Variants in FOXO1 observed in about 807,000 individuals in gnomAD.
FOXO1 encodes forkhead box protein O1.
A neutral mutation model predicts 44.1 loss-of-function variants in FOXO1; 6 were observed. The observed-to-expected ratio is 0.14, with a 90% confidence interval of 0.07 to 0.27. FOXO1 has a LOEUF of 0.27. Among genes scored for constraint, FOXO1 ranks in the 10% least tolerant of loss-of-function variants. The pLI is 1.00. For missense variants in FOXO1, 737 were observed against 888.8 expected, an observed-to-expected ratio of 0.83 and a Z score of 2.17; for synonymous variants, 380 against 362.7, an observed-to-expected ratio of 1.05 and a Z score of -0.54.
Position 40,666,178 on chromosome 13 carries a change from G to C in FOXO1, c.35C>G (p.Pro12Arg). The change falls in exon 1 of 3, where the codon CCG becomes CGG. Residue 12 changes from proline to arginine, a missense_variant. Around this residue, in one of 7 missense-constraint regions of FOXO1, gnomAD observed 213 missense variants for 236.4 expected, o/e 0.90. Transcript: ENST00000379561. ...CGGCCGGGGCAGCGGCTCGAAGTCC[G>C]GGTCGATCTCCACCACCTGAGGCGC... ...AEAPQVVEID[P>R]DFEPLPRPRS... The C allele has an allele frequency of 6.9e-7, 1 of 1,457,012 alleles. No individual in the cohort carries two copies. Among genetic ancestry groups the C allele is most frequent in the Non-Finnish European group, 9.0e-7 (1 of 1,107,352 alleles). 90.3% of individuals were successfully genotyped at this position (1,457,012 alleles called of 1,614,324 possible). A position where few individuals can be genotyped will look rare whatever the true frequency, so the allele number is the denominator to read the frequency against.
intron 1 of FOXO1, among the ~76,000 whole-genome samples, chr13:40,591,371 G>C (rs892789839): frequency 6.6e-6 from 1 of 152,140 alleles, no homozygotes; most frequent in Non-Finnish European, 1.5e-5. Flanking sequence ...GAAGAGGCAA[G>C]GCTCACAAAG....
At chr13:40,599,424 T>G (rs1331155685) in intron 1 of FOXO1, among the ~76,000 whole-genome samples, 3 of 152,230 alleles carry the variant, frequency 2.0e-5, no homozygotes, top group African/African-American at 7.2e-5. Flanking sequence ...GGCACTGTTT[T>G]ACTGAGGTCT....
Position 40,641,418 on chromosome 13 carries a change from T to A in FOXO1, c.630+24165A>T, listed in dbSNP as rs527628175. ...ATCTCATTATATCTCATTATATATATCATATATATATATATCATTATATAT... is the reference window on the plus strand; with the variant it reads ...ATCTCATTATATCTCATTATATATAACATATATATATATATCATTATATAT... On this transcript the variant is annotated intron_variant, in intron 1 of 2. Coordinates refer to ENST00000379561, the MANE Select transcript of FOXO1 (RefSeq NM_002015.4). 8.6e-5 allele frequency among the ~76,000 whole-genome samples: 13 copies of A among 151,000 alleles called. No homozygotes were observed. In the South Asian group the frequency reaches 2.7e-3, roughly 31 times the overall value.
intron 1 of FOXO1, among the ~76,000 whole-genome samples, chr13:40,573,263 TGGGCACATCTGTGTCAGAGGTGCCCACC>T (rs1874615158): frequency 1.3e-5 from 2 of 152,206 alleles, no homozygotes; most frequent in African/African-American, 2.4e-5. Flanking sequence ...CCACCAGATG[TGGGCACATCTGTGTCAGAGGTGCCCACC>T]AGGACTTTCA....
chr13:40,624,317 TAAAAAAAA>T lies in FOXO1; in HGVS notation c.630+41258_630+41265del, dbSNP rs10552634. Among the ~76,000 whole-genome samples the T allele has an allele frequency of 1.2e-3, 120 of 100,994 alleles. No homozygotes were observed. In the South Asian group the frequency reaches 0.026, roughly 22 times the overall value. The allele number at this position is 100,994 out of a possible 152,430, so 66.3% of individuals were successfully genotyped here. A position where few individuals can be genotyped will look rare whatever the true frequency, so the allele number is the denominator to read the frequency against. On this transcript the variant is annotated intron_variant, in intron 1 of 2. Coordinates refer to ENST00000379561, the MANE Select transcript of FOXO1 (RefSeq NM_002015.4). ...AAAGCTCTTAAAAACTAATACTGCT[TAAAAAAAA>T]AAAAAAAAAAAAAAGATCACTCAGG...
intron 1 of FOXO1, chr13:40,621,365 AC>A: frequency 2.4e-6 from 1 of 417,684 alleles, no homozygotes; most frequent in Non-Finnish European, 4.0e-6. Flanking sequence ...GATGGGATCT[AC>A]TCAAATATTG....
chr13:40,643,995 T>C (rs1034833361), intron 1 of FOXO1, among the ~76,000 whole-genome samples: 3 of 152,208 alleles, frequency 2.0e-5, no homozygotes, highest in African/African-American at 7.2e-5. Context: ...AAACTCCTAA[T>C]ATTTACTGCA....
intron 1 of FOXO1, among the ~76,000 whole-genome samples, chr13:40,603,167 G>C (rs1169876209): frequency 2.0e-5 from 3 of 152,048 alleles, no homozygotes; most frequent in Non-Finnish European, 4.4e-5. Flanking sequence ...GCTTCTCTCA[G>C]GACATGCTTA....
intron 1 of FOXO1, among the ~76,000 whole-genome samples, chr13:40,574,508 C>T (rs1416937229): frequency 2.0e-5 from 3 of 152,188 alleles, no homozygotes; most frequent in African/African-American, 7.2e-5. Context: ...ATTCTATAAA[C>T]TCATGATATT....
rs74372760 is a variant in FOXO1 at position 40,664,573 on chromosome 13, C to A, written c.630+1010G>T. 8.6e-3 allele frequency among the ~76,000 whole-genome samples: 1,306 copies of A among 152,264 alleles called. 18 individuals carry two copies. The highest frequency in any genetic ancestry group is 0.03 in the African/African-American group (1,255 of 41,546). On this transcript the variant is annotated intron_variant, in intron 1 of 2. Transcript: ENST00000379561. ...TCCCTCAAAACATTGGTCGCAAAGC[C>A]CCCCCGCCTGGTCCTCCATGCTCAA...
intron 1 of FOXO1, among the ~76,000 whole-genome samples, chr13:40,625,559 C>T (rs185765736): frequency 1.4e-4 from 21 of 151,710 alleles, no homozygotes; most frequent in South Asian, 1.2e-3. Flanking sequence ...TACAATAATC[C>T]GTTATTAGCT....
chr13:40,661,169 T>G (rs1455938335), intron 1 of FOXO1, among the ~76,000 whole-genome samples: 1 of 152,192 alleles, frequency 6.6e-6, no homozygotes, highest in East Asian at 1.9e-4. Context: ...TCAGGTAACT[T>G]TCAGCCCTTA....
intron 1 of FOXO1, among the ~76,000 whole-genome samples, chr13:40,663,821 T>C (rs1408206872): frequency 1.3e-5 from 2 of 152,242 alleles, no homozygotes; most frequent in Non-Finnish European, 2.9e-5. Flanking sequence ...TAAAGGAACT[T>C]CAATAAGGTG....
intron 1 of FOXO1, among the ~76,000 whole-genome samples, chr13:40,628,116 G>A (rs978721876): frequency 2.6e-5 from 4 of 151,904 alleles, no homozygotes; most frequent in African/African-American, 7.3e-5. Context: ...GTGAATCTGG[G>A]TAACGGGTAC....
intron 1 of FOXO1, among the ~76,000 whole-genome samples, chr13:40,575,460 C>A (rs1874709890): frequency 6.6e-6 from 1 of 152,176 alleles, no homozygotes; most frequent in Non-Finnish European, 1.5e-5. Context: ...GAGGAAGGGT[C>A]TCAAAGGACC....
intron 1 of FOXO1, among the ~76,000 whole-genome samples, chr13:40,607,064 G>A (rs181074711): frequency 5.5e-4 from 84 of 152,132 alleles, no homozygotes; most frequent in African/African-American, 8.4e-4. Context: ...CTATAAGCCC[G>A]CACATCTGCC....
chr13:40,637,172 G>A (rs561725555), intron 1 of FOXO1, among the ~76,000 whole-genome samples: 6 of 152,192 alleles, frequency 3.9e-5, no homozygotes, highest in South Asian at 2.1e-4. Context: ...GGCCGAGCGC[G>A]GTGGCTCACG....
rs1403538718 is a variant in FOXO1 at position 40,558,933 on chromosome 13, T to TG, written c.*115_*116insC. 2.3e-5 allele frequency: 9 copies of TG among 398,606 alleles called. No homozygotes were observed. The highest frequency in any genetic ancestry group is 3.6e-5 in the East Asian group (1 of 28,046). The allele number at this position is 398,606 out of a possible 1,614,324, so 24.7% of individuals were successfully genotyped here. A position where few individuals can be genotyped will look rare whatever the true frequency, so the allele number is the denominator to read the frequency against. ...AAGGAGGGTTTTTTTTTTTGTTTTT[T>TG]TTTTTAACCAAGAAAACTAAAAGGG... is the stretch of plus-strand genomic sequence containing the variant. On this transcript the variant is annotated 3_prime_UTR_variant, in exon 3 of 3. Coordinates refer to ENST00000379561, the MANE Select transcript of FOXO1 (RefSeq NM_002015.4).
At chr13:40,664,329 C>T (rs1878143581) in intron 1 of FOXO1, among the ~76,000 whole-genome samples, 1 of 152,144 alleles carries the variant, frequency 6.6e-6, no homozygotes, top group Non-Finnish European at 1.5e-5. Flanking sequence ...AATTCCGCCA[C>T]CGGTGACAGT....
Sources: gnomAD v4.1 joint callset for allele counts (sites outside exome capture counted in the v4.1 genomes callset) on GRCh38, gnomAD v4.1.1 for gene constraint, gnomAD v4.1.1 regional missense constraint, MANE v1.5 for transcripts, NCBI Gene and HGNC (gene_info 2026-07-23, HGNC 2026-07-21) for gene names.